SFMBT1: variants seen among roughly 807,000 people sequenced by gnomAD.
SFMBT1 encodes the protein Scm like with four mbt domains 1.
SFMBT1 carries 32 observed loss-of-function variants against 108.7 expected under a neutral mutation model. The ratio of observed to expected loss-of-function variants is 0.29; its 90% confidence interval spans 0.22 to 0.40. SFMBT1 has a LOEUF of 0.40. Among genes scored for constraint, SFMBT1 ranks in the 10% least tolerant of loss-of-function variants. The probability of loss-of-function intolerance (pLI) is 1.00; values close to 1 mark genes in which losing one functional copy is unlikely to be tolerated. For synonymous variants in SFMBT1, 348 were observed against 369.5 expected, an observed-to-expected ratio of 0.94 and a Z score of 0.67; for missense variants, 816 against 1,059.6, an observed-to-expected ratio of 0.77 and a Z score of 3.19.
At chr3:52,968,010 T>C (rs1197777065) in intron 2 of SFMBT1, among the ~76,000 whole-genome samples, 5 of 152,236 alleles carry the variant, frequency 3.3e-5, no homozygotes, top group African/African-American at 1.2e-4. Context: ...TAGCAACTTA[T>C]GTGTTGGTAA....
intron 1 of SFMBT1, among the ~76,000 whole-genome samples, chr3:53,013,938 T>G (rs1003435644): frequency 6.6e-6 from 1 of 152,136 alleles, no homozygotes; most frequent in African/African-American, 2.4e-5. Flanking sequence ...CAAGAATCAT[T>G]TTATTTAAAT....
intron 2 of SFMBT1, among the ~76,000 whole-genome samples, chr3:52,958,382 G>A (rs1279407953): frequency 6.6e-6 from 1 of 152,198 alleles, no homozygotes; most frequent in Non-Finnish European, 1.5e-5. Flanking sequence ...CTTGAGGTCA[G>A]GAATTCAAGA....
intron 1 of SFMBT1, among the ~76,000 whole-genome samples, chr3:53,029,453 A>C (rs1699608788): frequency 6.6e-6 from 1 of 152,204 alleles, no homozygotes; most frequent in Non-Finnish European, 1.5e-5. Flanking sequence ...GTTTCTTTAG[A>C]AATTCTGCGC....
At chr3:52,928,127 T>C in intron 9 of SFMBT1, 64 bp downstream of exon 9, 2 of 1,567,190 alleles carry the variant, frequency 1.3e-6, no homozygotes, top group Non-Finnish European at 1.7e-6. Context: ...AGCAATGCCA[T>C]CTGACATGTC....
At chr3:52,907,409 C>T (rs1702092711) in intron 18 of SFMBT1, 95 bp from the exon 19 acceptor site, 8 of 1,522,336 alleles carry the variant, frequency 5.3e-6, no homozygotes, top group Non-Finnish European at 7.0e-6. Context: ...AAAAGAAATT[C>T]AGGACAAACC....
chr3:53,035,465 A>G (rs1033467381), intron 1 of SFMBT1, among the ~76,000 whole-genome samples: 3 of 152,358 alleles, frequency 2.0e-5, no homozygotes, highest in Admixed American at 2.0e-4. Flanking sequence ...AATATGTAAC[A>G]TTTTAGTTTT....
intron 15 of SFMBT1, 46 bp from the exon 16 acceptor site, chr3:52,912,693 G>A (rs778643303): frequency 1.8e-5 from 25 of 1,389,764 alleles, no homozygotes; most frequent in Non-Finnish European, 2.5e-5. Flanking sequence ...AAGGAGAAAA[G>A]CAGACCATTA....
chr3:52,928,895 C>A (rs1264823119), intron 8 of SFMBT1, among the ~76,000 whole-genome samples: 1 of 150,858 alleles, frequency 6.6e-6, no homozygotes, highest in Non-Finnish European at 1.5e-5. Context: ...TGTAGAGACT[C>A]GGTCTCCATA....
intron 2 of SFMBT1, among the ~76,000 whole-genome samples, chr3:52,958,270 C>T (rs564374675): frequency 3.3e-5 from 5 of 152,134 alleles, no homozygotes; most frequent in East Asian, 3.9e-4. Context: ...TACCATCTCA[C>T]GCCAGTCAGA....
chr3:52,923,416 A>C (rs1004143140), intron 10 of SFMBT1, among the ~76,000 whole-genome samples: 2 of 152,052 alleles, frequency 1.3e-5, no homozygotes, highest in African/African-American at 4.8e-5. Context: ...AAATACAAAA[A>C]ATTAGCTGGG....
intron 1 of SFMBT1, among the ~76,000 whole-genome samples, chr3:52,992,197 C>T (rs1334741120): frequency 6.6e-6 from 1 of 152,210 alleles, no homozygotes; most frequent in Non-Finnish European, 1.5e-5. Context: ...AGAGAACTAA[C>T]GTTCATCAAC....
intron 13 of SFMBT1, 141 bp from the exon 14 acceptor site, chr3:52,916,355 ACTTT>A: frequency 2.2e-6 from 1 of 450,966 alleles, no homozygotes; most frequent in Non-Finnish European, 3.7e-6. Context: ...CCTTGATGAT[ACTTT>A]TTTTTTTTTT....
intron 3 of SFMBT1, among the ~76,000 whole-genome samples, chr3:52,951,175 C>CA (rs773717441): frequency 0.18 from 17,039 of 97,154 alleles, 1,981 homozygotes; most frequent in African/African-American, 0.34. Context: ...ATTCCTTCTC[C>CA]AAAAAAAAAA....
intron 1 of SFMBT1, among the ~76,000 whole-genome samples, chr3:53,004,254 T>TTCTCTC (rs765353610): frequency 1.4e-5 from 1 of 69,684 alleles, no homozygotes; most frequent in Non-Finnish European, 3.6e-5. Flanking sequence ...TCTTTCTTCT[T>TTCTCTC]TCTCTCTCTC....
chr3:52,905,054 T>C lies in SFMBT1; in HGVS notation c.*82A>G. ...CCTGCAGGCCCCAGAGCCCCAGGAC[T>C]ATTCCAGCTCCACTTATAAAGCAGG... is the stretch of plus-strand genomic sequence containing the variant. On this transcript the variant is annotated 3_prime_UTR_variant, in exon 21 of 21. Transcript: ENST00000394752. The C allele has an allele frequency of 1.9e-6, 3 of 1,559,874 alleles. No homozygotes were observed. The South Asian group carries it at 3.7e-5, about 19-fold the overall frequency.
chr3:53,016,992 T>C (rs1263432738), intron 1 of SFMBT1, among the ~76,000 whole-genome samples: 1 of 152,204 alleles, frequency 6.6e-6, no homozygotes, highest in African/African-American at 2.4e-5. Flanking sequence ...ACTAGATTCG[T>C]CTCCAGTGTC....
intron 2 of SFMBT1, among the ~76,000 whole-genome samples, chr3:52,967,704 T>C (rs149513033): frequency 6.6e-6 from 1 of 152,306 alleles, no homozygotes; most frequent in Non-Finnish European, 1.5e-5. Context: ...AGATGCCAAG[T>C]AGGAACATGT....
chr3:53,000,449 A>G (rs142243354), intron 1 of SFMBT1, among the ~76,000 whole-genome samples: 2 of 150,310 alleles, frequency 1.3e-5, no homozygotes, highest in Non-Finnish European at 3.0e-5. Context: ...TCACACAATT[A>G]CATTAGGAAA....
At position 53,005,797 on chromosome 3, in the gene SFMBT1, A is replaced by G. The variant is rs887698509; in HGVS notation, c.-130-36539T>C. 7.9e-5 allele frequency among the ~76,000 whole-genome samples: 12 copies of G among 152,186 alleles called. No homozygotes were observed. The South Asian group carries it at 1.2e-3, about 16-fold the overall frequency. ...TACCTGGGATGTAAACGATGTGAAT[A>G]TGGGTCAGAAAAATCAGCTGCACAG... On this transcript the variant is annotated intron_variant, in intron 1 of 20. Transcript: ENST00000394752.
Sources: gnomAD v4.1 joint callset for allele counts (sites outside exome capture counted in the v4.1 genomes callset) on GRCh38, gnomAD v4.1.1 for gene constraint, MANE v1.5 for transcripts, NCBI Gene and HGNC (gene_info 2026-07-23, HGNC 2026-07-21) for gene names.